Variants in WWOX observed in about 807,000 individuals in gnomAD.
WWOX encodes the protein WW domain containing oxidoreductase, also known as WW domain-containing oxidoreductase.
WWOX carries 69 observed loss-of-function variants against 46.2 expected under a neutral mutation model. That is an observed-to-expected ratio of 1.49 (90% CI 1.23 to 1.82). WWOX has a LOEUF of 1.82. Among genes scored for constraint, WWOX ranks in the 40% most tolerant of loss-of-function variants. WWOX has a pLI of 0.00. For missense variants in WWOX, 919 were observed against 542.6 expected (o/e 1.69, Z -6.89); for synonymous variants, 359 against 202.6 (o/e 1.77, Z -6.56).
chr16:78,681,946 C>G (rs1245737431), intron 8 of WWOX, among the ~76,000 whole-genome samples: 1 of 152,156 alleles, frequency 6.6e-6, no homozygotes, highest in Non-Finnish European at 1.5e-5. Context: ...GTCTGCTTTT[C>G]TAGCAAGCGC....
chr16:78,472,010 G>A (rs1233939411), intron 8 of WWOX, among the ~76,000 whole-genome samples: 2 of 152,004 alleles, frequency 1.3e-5, no homozygotes, highest in East Asian at 1.9e-4. Flanking sequence ...TTTATTCAGC[G>A]AAGACATTCC....
At chr16:78,744,781 A>G (rs1466638951) in intron 8 of WWOX, among the ~76,000 whole-genome samples, 1 of 152,176 alleles carries the variant, frequency 6.6e-6, no homozygotes, top group Non-Finnish European at 1.5e-5. Flanking sequence ...TGTGGAAAAT[A>G]TTAATTACAA....
At chr16:78,594,845 C>A (rs1461230959) in intron 8 of WWOX, among the ~76,000 whole-genome samples, 1 of 152,314 alleles carries the variant, frequency 6.6e-6, no homozygotes, top group South Asian at 2.1e-4. Context: ...TTCATAGTTT[C>A]TCTGTTTCAA....
At chr16:78,132,417 A>G (rs1381983294) in intron 4 of WWOX, among the ~76,000 whole-genome samples, 1 of 152,226 alleles carries the variant, frequency 6.6e-6, no homozygotes, top group African/African-American at 2.4e-5. Flanking sequence ...GTGAGTGCAG[A>G]GTCACCATCA....
In WWOX at chr16:78,358,886, A is replaced by G. The variant is rs1379414841; in HGVS notation, c.517-27974A>G. Among the ~76,000 whole-genome samples, 11 of 25,978 alleles carry G rather than the reference A, an allele frequency of 4.2e-4. No homozygotes were observed. The South Asian group carries it at 6.8e-3, about 16-fold the overall frequency. The allele number at this position is 25,978 out of a possible 152,430, so 17.0% of individuals were successfully genotyped here. A position where few individuals can be genotyped will look rare whatever the true frequency, so the allele number is the denominator to read the frequency against. Reference sequence around the variant, plus strand: ...GTGGTCTTTTTTTTTTTTTTTTTTAACCAGACATATAGTGGCCATGTTTCT... The same window carrying G: ...GTGGTCTTTTTTTTTTTTTTTTTTAGCCAGACATATAGTGGCCATGTTTCT... On this transcript the variant is annotated intron_variant, in intron 5 of 8. Transcript: ENST00000566780.
intron 8 of WWOX, among the ~76,000 whole-genome samples, chr16:78,782,759 G>A (rs532775049): frequency 2.0e-5 from 3 of 147,476 alleles, no homozygotes; most frequent in East Asian, 2.0e-4. Flanking sequence ...CATTACAGAA[G>A]TCTCATATGC....
chr16:79,148,623 T>G (rs2050222378), intron 8 of WWOX, among the ~76,000 whole-genome samples: 1 of 152,182 alleles, frequency 6.6e-6, no homozygotes, highest in African/African-American at 2.4e-5. Context: ...TTTAATGGGG[T>G]TTAAATCTAT....
intron 8 of WWOX, among the ~76,000 whole-genome samples, chr16:78,482,427 T>A (rs1425325754): frequency 6.6e-6 from 1 of 152,172 alleles, no homozygotes; most frequent in Non-Finnish European, 1.5e-5. Context: ...TTCACCATGT[T>A]AGCCATGCTG....
At chr16:78,504,961 A>G (rs1597179685) in intron 8 of WWOX, among the ~76,000 whole-genome samples, 1 of 152,160 alleles carries the variant, frequency 6.6e-6, no homozygotes, top group East Asian at 1.9e-4. Context: ...AGAATGTATA[A>G]ATTGATGTGT....
In WWOX at chr16:78,672,261, A is replaced by G. The variant is rs574196953; in HGVS notation, c.1056+239509A>G. ...CCATGTTCAAGGTGATAACCGTAGC[A>G]TAAAACTGTCCCAACCACATGCAAA... is the stretch of plus-strand genomic sequence containing the variant. On this transcript the variant is annotated intron_variant, in intron 8 of 8. Transcript: ENST00000566780. 8.5e-5 allele frequency among the ~76,000 whole-genome samples: 13 copies of G among 152,344 alleles called. No homozygotes were observed. In the South Asian group the frequency reaches 1.4e-3, roughly 17 times the overall value.
chr16:78,577,752 C>G (rs2044924902), intron 8 of WWOX, among the ~76,000 whole-genome samples: 1 of 152,196 alleles, frequency 6.6e-6, no homozygotes, highest in Non-Finnish European at 1.5e-5. Context: ...TCCTAGCAGT[C>G]TTGCGGAAGG....
intron 8 of WWOX, among the ~76,000 whole-genome samples, chr16:78,832,442 C>G (rs1318735461): frequency 6.6e-6 from 1 of 152,106 alleles, no homozygotes; most frequent in East Asian, 1.9e-4. Context: ...TAGTAAAGAC[C>G]ATAGTTAGGA....
intron 8 of WWOX, among the ~76,000 whole-genome samples, chr16:79,172,426 C>T (rs1242181155): frequency 6.6e-6 from 1 of 152,172 alleles, no homozygotes; most frequent in East Asian, 1.9e-4. Context: ...CTGCTCTGGG[C>T]TGCAAACTCA....
At chr16:78,149,228 A>G (rs1056614721) in intron 4 of WWOX, among the ~76,000 whole-genome samples, 2 of 152,232 alleles carry the variant, frequency 1.3e-5, no homozygotes, top group African/African-American at 2.4e-5. Flanking sequence ...AATTAAAGAA[A>G]AAAAATTGAG....
chr16:79,067,369 CTCTT>C (rs1321527854), intron 8 of WWOX, among the ~76,000 whole-genome samples: 3 of 152,200 alleles, frequency 2.0e-5, no homozygotes, highest in Non-Finnish European at 2.9e-5. Context: ...CTCGCTCTCT[CTCTT>C]TCTCTCTCTC....
chr16:78,884,249 G>A (rs947329128), intron 8 of WWOX, among the ~76,000 whole-genome samples: 2 of 144,304 alleles, frequency 1.4e-5, no homozygotes, highest in Admixed American at 1.4e-4. Context: ...CTCCAGCTTG[G>A]GTGACAGAGT....
At chr16:78,372,865 A>G (rs904088491) in intron 5 of WWOX, among the ~76,000 whole-genome samples, 1 of 152,178 alleles carries the variant, frequency 6.6e-6, no homozygotes, top group Non-Finnish European at 1.5e-5. Context: ...CCTCTCTTTC[A>G]GCACAGTAGC....
chr16:78,664,830 C>G (rs962084271), intron 8 of WWOX, among the ~76,000 whole-genome samples: 1 of 152,118 alleles, frequency 6.6e-6, no homozygotes, highest in African/African-American at 2.4e-5. Context: ...AATTTGCAGG[C>G]AACAAGAGTC....
chr16:78,455,643 CAAAAAAAAAAA>C lies in WWOX; in HGVS notation c.1056+22908_1056+22918del, dbSNP rs57754374. Reference sequence around the variant, plus strand: ...GGGTTAACAGAGCAAGACTCTGTCTCAAAAAAAAAAAAAAAAAAAAAAAAAAATCAAAATTG... The same window carrying C: ...GGGTTAACAGAGCAAGACTCTGTCTCAAAAAAAAAAAAAAAATCAAAATTG... On this transcript the variant is annotated intron_variant, in intron 8 of 8. Transcript: ENST00000566780. 3.8e-4 allele frequency among the ~76,000 whole-genome samples: 23 copies of C among 60,520 alleles called. No individual in the cohort carries two copies. The South Asian group carries it at 7.8e-3, about 21-fold the overall frequency. 39.7% of individuals were successfully genotyped at this position (60,520 alleles called of 152,430 possible). A position where few individuals can be genotyped will look rare whatever the true frequency, so the allele number is the denominator to read the frequency against.
Sources: gnomAD v4.1 joint callset for allele counts (sites outside exome capture counted in the v4.1 genomes callset) on GRCh38, gnomAD v4.1.1 for gene constraint, MANE v1.5 for transcripts, NCBI Gene and HGNC (gene_info 2026-07-23, HGNC 2026-07-21) for gene names.